Variants in ANO4 observed in about 807,000 individuals in gnomAD.
The protein encoded by ANO4 is anoctamin 4, also known as anoctamin-4.
ANO4 carries 69 observed loss-of-function variants against 141.9 expected under a neutral mutation model. The ratio of observed to expected loss-of-function variants is 0.49; its 90% CI spans 0.40 to 0.59. The LOEUF (loss-of-function observed/expected upper bound fraction) is 0.59. Among genes scored for constraint, ANO4 ranks in the 20% least tolerant of loss-of-function variants. The probability of loss-of-function intolerance (pLI) is 0.00; values close to 1 mark genes in which losing one functional copy is unlikely to be tolerated. For missense variants in ANO4, 894 were observed against 1,162.2 expected, an observed-to-expected ratio of 0.77 and a Z score of 3.36; for synonymous variants, 350 against 394.3, an observed-to-expected ratio of 0.89 and a Z score of 1.33.
At chr12:101,066,536 G>A (rs2048595905) in intron 14 of ANO4, among the ~76,000 whole-genome samples, 1 of 152,062 alleles carries the variant, frequency 6.6e-6, no homozygotes, top group Non-Finnish European at 1.5e-5. Flanking sequence ...CAAAGAACTA[G>A]GAATTAACCA....
At chr12:101,078,080 A>G (rs184982026) in intron 14 of ANO4, among the ~76,000 whole-genome samples, 7 of 152,334 alleles carry the variant, frequency 4.6e-5, no homozygotes, top group African/African-American at 1.7e-4. Flanking sequence ...TCTGCATACT[A>G]CTAAGGAGGA....
intron 8 of ANO4, among the ~76,000 whole-genome samples, chr12:101,016,223 C>G (rs1321478010): frequency 6.6e-6 from 1 of 152,096 alleles, no homozygotes; most frequent in Admixed American, 6.5e-5. Flanking sequence ...TAAACCTGTA[C>G]AGGAAGCATG....
intron 6 of ANO4, among the ~76,000 whole-genome samples, chr12:100,972,362 C>T (rs539820806): frequency 6.6e-6 from 1 of 152,316 alleles, no homozygotes; most frequent in South Asian, 2.1e-4. Context: ...TTTCCATTCA[C>T]AGGCTTGTAA....
At chr12:100,902,650 C>G (rs1040098606) in intron 2 of ANO4, among the ~76,000 whole-genome samples, 4 of 152,246 alleles carry the variant, frequency 2.6e-5, no homozygotes, top group African/African-American at 9.6e-5. Context: ...GCCTCCATCT[C>G]TACTCATGTC....
In ANO4 at chr12:100,995,516, G is replaced by A. The variant is rs529595462; in HGVS notation, c.734+7846G>A. 1.6e-4 allele frequency among the ~76,000 whole-genome samples: 25 copies of A among 152,284 alleles called. No homozygotes were observed. In the South Asian group the frequency reaches 3.7e-3, roughly 23 times the overall value. On this transcript the variant is annotated intron_variant, in intron 8 of 27. Transcript: ENST00000392977. Reference sequence around the variant, plus strand: ...ACTGCTCTGGCAACTGCAGTCATCCGTGTGAAGCATGATGTATTTATATTT... The same window carrying A: ...ACTGCTCTGGCAACTGCAGTCATCCATGTGAAGCATGATGTATTTATATTT...
chr12:101,064,660 TATTATAATA>T lies in ANO4; in HGVS notation c.1313-14530_1313-14522del, dbSNP rs1475778712. ...TGCACATGTATCCCAGAACTTAAAG[TATTATAATA>T]ATAATAATAATAATAATAATAATAA... On this transcript the variant is annotated intron_variant, in intron 14 of 27. Coordinates refer to ENST00000392977, the MANE Select transcript of ANO4 (RefSeq NM_001286615.2). Among the ~76,000 whole-genome samples, 142 of 122,368 alleles carry T rather than the reference TATTATAATA, an allele frequency of 1.2e-3. 1 individual carries two copies. Among genetic ancestry groups the T allele is most frequent in the Non-Finnish European group, 1.8e-3 (105 of 56,930 alleles). 80.3% of individuals were successfully genotyped at this position (122,368 alleles called of 152,430 possible).
At chr12:100,912,183 G>A (rs2041129544) in intron 2 of ANO4, among the ~76,000 whole-genome samples, 2 of 151,928 alleles carry the variant, frequency 1.3e-5, no homozygotes, top group Admixed American at 1.3e-4. Flanking sequence ...ATCACCTGAG[G>A]TCAGGAGTTC....
intron 1 of ANO4, among the ~76,000 whole-genome samples, chr12:100,876,389 A>T (rs560528408): frequency 6.6e-6 from 1 of 151,846 alleles, no homozygotes; most frequent in Admixed American, 6.6e-5. Flanking sequence ...TGTTGGAATG[A>T]GCTGAAAAGA....
At chr12:100,990,272 A>G (rs2045030900) in intron 8 of ANO4, among the ~76,000 whole-genome samples, 1 of 152,148 alleles carries the variant, frequency 6.6e-6, no homozygotes, top group African/African-American at 2.4e-5. Context: ...TTATAGGTGT[A>G]TGGAAGAGGA....
chr12:100,814,152 A>G (rs2035598216), intron 1 of ANO4, among the ~76,000 whole-genome samples: 1 of 152,202 alleles, frequency 6.6e-6, no homozygotes, highest in African/African-American at 2.4e-5. Flanking sequence ...CGAAAACGGT[A>G]TACTATATAC....
At chr12:101,113,325 T>C (rs1371076300) in intron 24 of ANO4, among the ~76,000 whole-genome samples, 1 of 152,254 alleles carries the variant, frequency 6.6e-6, no homozygotes. Context: ...GGAACCTTTA[T>C]GCACAATTGA....
chr12:100,966,030 C>A (rs1159332222), intron 5 of ANO4, among the ~76,000 whole-genome samples: 1 of 152,028 alleles, frequency 6.6e-6, no homozygotes, highest in Non-Finnish European at 1.5e-5. Context: ...CTGCAGGAAA[C>A]CCTGAAGATA....
intron 9 of ANO4, among the ~76,000 whole-genome samples, chr12:101,026,955 T>C (rs1187417515): frequency 6.6e-6 from 1 of 152,186 alleles, no homozygotes; most frequent in Non-Finnish European, 1.5e-5. Context: ...CCAAGATGGC[T>C]GACTAGAAAC....
At chr12:100,930,381 G>C (rs1167645222) in intron 3 of ANO4, among the ~76,000 whole-genome samples, 1 of 151,912 alleles carries the variant, frequency 6.6e-6, no homozygotes, top group South Asian at 2.1e-4. Flanking sequence ...TAGGGGTCTA[G>C]TTTCATTCTT....
intron 8 of ANO4, among the ~76,000 whole-genome samples, chr12:101,012,984 G>A (rs2046161545): frequency 6.6e-6 from 1 of 152,064 alleles, no homozygotes; most frequent in Non-Finnish European, 1.5e-5. Context: ...AGGTTCAAGG[G>A]TACATCTGGA....
At chr12:100,968,507 C>G (rs952174757) in intron 5 of ANO4, among the ~76,000 whole-genome samples, 3 of 152,082 alleles carry the variant, frequency 2.0e-5, no homozygotes, top group African/African-American at 7.2e-5. Flanking sequence ...CAATTTTACT[C>G]TTTCTCTCAT....
intron 3 of ANO4, among the ~76,000 whole-genome samples, chr12:100,759,412 G>T (rs2032758813): frequency 1.3e-5 from 2 of 152,188 alleles, no homozygotes; most frequent in South Asian, 4.1e-4. Context: ...AGTCAATGAT[G>T]AATTCTTATC....
chr12:100,804,466 C>T (rs551705449), intron 1 of ANO4, among the ~76,000 whole-genome samples: 20 of 152,188 alleles, frequency 1.3e-4, no homozygotes, highest in African/African-American at 3.9e-4. Flanking sequence ...GGTATATACC[C>T]GGTAATGGGA....
At chr12:100,849,520 C>T (rs1022209460) in intron 1 of ANO4, among the ~76,000 whole-genome samples, 4 of 151,420 alleles carry the variant, frequency 2.6e-5, no homozygotes, top group East Asian at 4.0e-4. Flanking sequence ...TTTTTACTTA[C>T]TGGTTTGTCT....
Sources: gnomAD v4.1 joint callset for allele counts (sites outside exome capture counted in the v4.1 genomes callset) on GRCh38, gnomAD v4.1.1 for gene constraint, MANE v1.5 for transcripts, NCBI Gene and HGNC (gene_info 2026-07-23, HGNC 2026-07-21) for gene names.